The following FBXO16 variants were observed in gnomAD, a reference collection of about 807,000 sequenced individuals.
FBXO16 encodes the protein F-box protein 16.
FBXO16 carries 31 observed loss-of-function variants against 41.0 expected under a neutral mutation model. The observed-to-expected ratio is 0.76, with a 90% confidence interval of 0.57 to 1.02. The LOEUF (loss-of-function observed/expected upper bound fraction) is 1.02. FBXO16 is among the 50% of genes least tolerant of loss of function. The probability of loss-of-function intolerance (pLI) is 0.00; values close to 1 mark genes in which losing one functional copy is unlikely to be tolerated. For synonymous variants in FBXO16, 133 were observed against 117.8 expected (o/e 1.13, Z -0.84); for missense variants, 361 against 346.2 (o/e 1.04, Z -0.34).
At chr8:28,483,502 C>A in intron 1 of FBXO16, 40 bp from the exon 2 acceptor site, 1 of 1,477,452 alleles carries the variant, frequency 6.8e-7, no homozygotes, top group South Asian at 1.2e-5. Flanking sequence ...AGAAGTGAAT[C>A]ATATAACCCT....
At chr8:28,451,662 T>C (rs1411017167) in intron 6 of FBXO16, among the ~76,000 whole-genome samples, 2 of 152,052 alleles carry the variant, frequency 1.3e-5, no homozygotes, top group Non-Finnish European at 2.9e-5. Context: ...ATGAACCCTT[T>C]GGTGCTGGAC....
In FBXO16 at chr8:28,474,987, A is replaced by G. The variant is rs550258870; in HGVS notation, c.100-1180T>C. Among the ~76,000 whole-genome samples the G allele has an allele frequency of 2.6e-3, 400 of 152,334 alleles. 3 individuals carry two copies. Among genetic ancestry groups the G allele is most frequent in the African/African-American group, 9.5e-3 (393 of 41,578 alleles). Reference sequence around the variant, plus strand: ...GGGACACGTGGCAGAGAAGGGGGTTATTAAGAGAGGAAGAGAGAGTCATGA... The same window carrying G: ...GGGACACGTGGCAGAGAAGGGGGTTGTTAAGAGAGGAAGAGAGAGTCATGA... On this transcript the variant is annotated intron_variant, in intron 2 of 8. Coordinates refer to ENST00000380254, the MANE Select transcript of FBXO16 (RefSeq NM_172366.4).
rs1174276709 is a variant in FBXO16 at position 28,460,423 on chromosome 8, A to ATTTTTTTTTTTTTTTT, written c.342+3173_342+3188dup. ...TAGGCACATGCGCTATACCTGGCTA[A>ATTTTTTTTTTTTTTTT]TTTTTTTTTTTTTTTTTTTTTTGAG... On this transcript the variant is annotated intron_variant, in intron 4 of 8. Transcript: ENST00000380254. Among the ~76,000 whole-genome samples the ATTTTTTTTTTTTTTTT allele has an allele frequency of 2.9e-4, 24 of 82,500 alleles. 5 individuals are homozygous for ATTTTTTTTTTTTTTTT. Among genetic ancestry groups the ATTTTTTTTTTTTTTTT allele is most frequent in the African/African-American group, 1.3e-3 (21 of 15,908 alleles). 54.1% of individuals were successfully genotyped at this position (82,500 alleles called of 152,430 possible). A position where few individuals can be genotyped will look rare whatever the true frequency, so the allele number is the denominator to read the frequency against.
intron 4 of FBXO16, among the ~76,000 whole-genome samples, chr8:28,461,592 T>G (rs1803135459): frequency 6.6e-6 from 1 of 151,914 alleles, no homozygotes; most frequent in Admixed American, 6.6e-5. Context: ...TAAGAGCTCT[T>G]GAAAAAAAAT....
chr8:28,451,389 T>TG (rs1294491323), intron 6 of FBXO16, among the ~76,000 whole-genome samples: 2 of 150,540 alleles, frequency 1.3e-5, no homozygotes, highest in African/African-American at 4.9e-5. Context: ...TGTTTTTTTT[T>TG]TTTTTGTTTT....
chr8:28,486,838 T>TAAAAAATAA (rs1803611100), intron 1 of FBXO16, among the ~76,000 whole-genome samples: 1 of 151,906 alleles, frequency 6.6e-6, no homozygotes, highest in Admixed American at 6.6e-5. Flanking sequence ...AGACCGTTTT[T>TAAAAAATAA]AAAAAATAAT....
chr8:28,435,171 AT>A lies in FBXO16; in HGVS notation c.844-5769del, dbSNP rs71222552. On this transcript the variant is annotated intron_variant, in intron 7 of 8. Transcript: ENST00000380254. The stretch of plus-strand genomic sequence containing the variant: ...GACAACTGAAGGGTGATGAGGGCAG[AT>A]TTTTTTTTTTTTTTTGAGACGGAGT... Among the ~76,000 whole-genome samples, 399 of 140,762 alleles carry A rather than the reference AT, an allele frequency of 2.8e-3. 1 individual carries two copies. Among genetic ancestry groups the A allele is most frequent in the Middle Eastern group, 0.011 (3 of 270 alleles). The allele number at this position is 140,762 out of a possible 152,430, so 92.3% of individuals were successfully genotyped here.
intron 7 of FBXO16, among the ~76,000 whole-genome samples, chr8:28,434,243 G>C (rs982372146): frequency 6.6e-6 from 1 of 152,196 alleles, no homozygotes; most frequent in Non-Finnish European, 1.5e-5. Flanking sequence ...TTACAGGTGT[G>C]AACCACTGCA....
At chr8:28,471,363 G>T (rs913905243) in intron 3 of FBXO16, among the ~76,000 whole-genome samples, 2 of 151,872 alleles carry the variant, frequency 1.3e-5, no homozygotes, top group Non-Finnish European at 1.5e-5. Flanking sequence ...TGTCTACAGT[G>T]AAAATCCCAA....
At chr8:28,456,638 T>G in intron 5 of FBXO16, 128 bp downstream of exon 5, 2 of 1,070,424 alleles carry the variant, frequency 1.9e-6, no homozygotes, top group Non-Finnish European at 2.7e-6. Context: ...AGGAGAATTT[T>G]GAAATCATAG....
At chr8:28,456,967 A>C in intron 4 of FBXO16, 37 bp from the exon 5 acceptor site, 1 of 1,594,584 alleles carries the variant, frequency 6.3e-7, no homozygotes, top group Non-Finnish European at 8.6e-7. Context: ...AACCAAATCA[A>C]ACAACCCCTT....
At position 28,439,864 on chromosome 8, in the gene FBXO16, C is replaced by T. The variant is rs570848545; in HGVS notation, c.843+7307G>A. On this transcript the variant is annotated intron_variant, in intron 7 of 8. Transcript: ENST00000380254. ...AGGAAGCTTCTGCAGAAACTCTGTT[C>T]TATAAATTCTTCTGTTTTGGTTCAT... 2.6e-3 allele frequency among the ~76,000 whole-genome samples: 57 copies of T among 21,634 alleles called. 2 individuals carry two copies. The East Asian group carries it at 0.23, about 87-fold the overall frequency. The allele number at this position is 21,634 out of a possible 152,430, so 14.2% of individuals were successfully genotyped here.
At chr8:28,434,183 A>C (rs562505476) in intron 7 of FBXO16, among the ~76,000 whole-genome samples, 6 of 151,548 alleles carry the variant, frequency 4.0e-5, no homozygotes, top group African/African-American at 1.5e-4. Flanking sequence ...CTGGTCTTGA[A>C]CTCCTGACCT....
At chr8:28,478,077 G>A (rs1803451502) in intron 2 of FBXO16, among the ~76,000 whole-genome samples, 1 of 152,024 alleles carries the variant, frequency 6.6e-6, no homozygotes, top group Non-Finnish European at 1.5e-5. Flanking sequence ...CTCTGCATTT[G>A]TACACAACTT....
intron 3 of FBXO16, among the ~76,000 whole-genome samples, chr8:28,472,250 C>T (rs545370530): frequency 5.9e-5 from 9 of 152,208 alleles, no homozygotes; most frequent in Non-Finnish European, 1.0e-4. Flanking sequence ...CACCACCATG[C>T]CTGGCTAATT....
intron 7 of FBXO16, among the ~76,000 whole-genome samples, chr8:28,446,549 T>G (rs1802867231): frequency 6.6e-6 from 1 of 151,568 alleles, no homozygotes; most frequent in Non-Finnish European, 1.5e-5. Context: ...CCCAAAGGAC[T>G]CAGCAGAAGA....
At chr8:28,453,871 A>G (rs1039805702) in intron 5 of FBXO16, among the ~76,000 whole-genome samples, 1 of 152,008 alleles carries the variant, frequency 6.6e-6, no homozygotes, top group Non-Finnish European at 1.5e-5. Context: ...TGTTTAATAA[A>G]TATTTATTCA....
chr8:28,489,370 C>A (rs1013413467), intron 1 of FBXO16, among the ~76,000 whole-genome samples: 4 of 151,574 alleles, frequency 2.6e-5, no homozygotes, highest in African/African-American at 9.7e-5. Flanking sequence ...AACACCACCA[C>A]CACCACAATT....
intron 2 of FBXO16, among the ~76,000 whole-genome samples, chr8:28,475,493 C>T (rs988021268): frequency 6.6e-6 from 1 of 152,220 alleles, no homozygotes; most frequent in Non-Finnish European, 1.5e-5. Flanking sequence ...AGAGGAGAAT[C>T]TGTAGAACAC....
Sources: allele counts gnomAD v4.1 joint callset (sites outside exome capture counted in the v4.1 genomes callset), GRCh38; gene constraint gnomAD v4.1.1; transcripts MANE v1.5; gene names NCBI Gene and HGNC (gene_info 2026-07-23, HGNC 2026-07-21).